The following PPM1L variants were observed in gnomAD, a reference collection of about 807,000 sequenced individuals.
The protein encoded by PPM1L is protein phosphatase 1L.
A neutral mutation model predicts 31.4 loss-of-function variants in PPM1L; 13 were observed. The observed-to-expected ratio is 0.41, with a 90% CI of 0.27 to 0.66. The LOEUF (loss-of-function observed/expected upper bound fraction) is 0.66. Among genes scored for constraint, PPM1L ranks in the 30% least tolerant of loss-of-function variants. The probability of loss-of-function intolerance (pLI) is 0.29; values close to 1 mark genes in which losing one functional copy is unlikely to be tolerated. For synonymous variants in PPM1L, 184 were observed against 175.4 expected (o/e 1.05, Z -0.39); for missense variants, 326 against 453.7 (o/e 0.72, Z 2.56).
intron 1 of PPM1L, among the ~76,000 whole-genome samples, chr3:160,850,001 G>A (rs557251726): frequency 3.2e-4 from 48 of 152,226 alleles, no homozygotes; most frequent in Non-Finnish European, 6.3e-4. Context: ...ATTCAACGCA[G>A]TTCTGACACT....
chr3:160,976,809 C>A (rs1198563930), intron 2 of PPM1L, among the ~76,000 whole-genome samples: 2 of 151,976 alleles, frequency 1.3e-5, no homozygotes, highest in African/African-American at 4.8e-5. Flanking sequence ...TTTTGTTGAT[C>A]CTTTCAAAAA....
intron 2 of PPM1L, among the ~76,000 whole-genome samples, chr3:161,040,927 G>A (rs1179028127): frequency 6.6e-6 from 1 of 152,142 alleles, no homozygotes; most frequent in African/African-American, 2.4e-5. Context: ...CTTTGTGGGG[G>A]AAAATTTGCA....
At chr3:161,013,517 A>C (rs1717966264) in intron 2 of PPM1L, among the ~76,000 whole-genome samples, 1 of 152,116 alleles carries the variant, frequency 6.6e-6, no homozygotes, top group Non-Finnish European at 1.5e-5. Flanking sequence ...TGGGGTGGAG[A>C]GTTCTGTAGA....
intron 1 of PPM1L, among the ~76,000 whole-genome samples, chr3:160,834,935 G>A (rs1713649754): frequency 6.6e-6 from 1 of 151,700 alleles, no homozygotes; most frequent in Non-Finnish European, 1.5e-5. Context: ...TTTTCCTCTG[G>A]GATAAATGCA....
intron 2 of PPM1L, among the ~76,000 whole-genome samples, chr3:160,967,867 A>T (rs901744198): frequency 6.6e-6 from 1 of 152,046 alleles, no homozygotes. Context: ...CTATAAACTG[A>T]TGGCATGAAC....
chr3:160,805,802 G>C (rs1156511802), intron 1 of PPM1L, among the ~76,000 whole-genome samples: 67 of 152,180 alleles, frequency 4.4e-4, no homozygotes, highest in Non-Finnish European at 1.5e-4. Context: ...AGTAGTTAAA[G>C]GTGTAGCCCA....
chr3:160,766,140 T>G (rs1349882473), intron 1 of PPM1L, among the ~76,000 whole-genome samples: 1 of 152,218 alleles, frequency 6.6e-6, no homozygotes, highest in Non-Finnish European at 1.5e-5. Context: ...AGCTTTGTTT[T>G]ATAGTTTTAG....
intron 2 of PPM1L, among the ~76,000 whole-genome samples, chr3:161,016,734 G>T (rs553510115): frequency 1.0e-3 from 157 of 152,294 alleles, no homozygotes; most frequent in Non-Finnish European, 1.8e-3. Flanking sequence ...TAGGACATCA[G>T]GTTGGGGAAA....
chr3:161,065,751 G>A (rs1212066385), intron 3 of PPM1L, among the ~76,000 whole-genome samples, 187 bp downstream of exon 3: 1 of 152,134 alleles, frequency 6.6e-6, no homozygotes, highest in African/African-American at 2.4e-5. Context: ...TTCCTTCATA[G>A]CCAAAGATTC....
intron 1 of PPM1L, among the ~76,000 whole-genome samples, chr3:160,759,680 GTT>G (rs1379011022): frequency 6.6e-6 from 1 of 152,158 alleles, no homozygotes; most frequent in African/African-American, 2.4e-5. Flanking sequence ...CGCTTAGAGT[GTT>G]ACGGTGACAC....
chr3:160,784,318 C>T (rs1448857021), intron 1 of PPM1L, among the ~76,000 whole-genome samples: 1 of 152,042 alleles, frequency 6.6e-6, no homozygotes, highest in East Asian at 1.9e-4. Flanking sequence ...GTATCATTTA[C>T]TAGAGTTGTG....
At chr3:160,957,883 G>C (rs6794409) in intron 1 of PPM1L, among the ~76,000 whole-genome samples, 1,859 of 152,052 alleles carry the variant, frequency 0.012, 40 homozygotes, top group African/African-American at 0.043. Flanking sequence ...GCCTCTCGTT[G>C]TGTTTTAATT....
intron 1 of PPM1L, chr3:160,842,439 T>G: frequency 1.6e-6 from 1 of 635,288 alleles, no homozygotes; most frequent in Non-Finnish European, 2.8e-6. Flanking sequence ...CTGTAGAAAA[T>G]GGATGAACAG....
At chr3:160,894,160 C>A (rs944272191) in intron 1 of PPM1L, among the ~76,000 whole-genome samples, 6 of 152,050 alleles carry the variant, frequency 3.9e-5, no homozygotes, top group African/African-American at 1.4e-4. Flanking sequence ...ATTCTAAGAC[C>A]TCTACAAAAA....
intron 2 of PPM1L, among the ~76,000 whole-genome samples, chr3:160,969,256 T>G (rs946672715): frequency 6.6e-6 from 1 of 152,186 alleles, no homozygotes; most frequent in African/African-American, 2.4e-5. Context: ...TTTGGAAAAA[T>G]AGCTTTTTAA....
At chr3:160,792,720 A>G (rs1712140068) in intron 1 of PPM1L, among the ~76,000 whole-genome samples, 1 of 152,200 alleles carries the variant, frequency 6.6e-6, no homozygotes, top group South Asian at 2.1e-4. Flanking sequence ...GTTTCTGACC[A>G]ACTAGCTACA....
chr3:160,861,666 CA>C (rs887166270), intron 1 of PPM1L, among the ~76,000 whole-genome samples: 20 of 150,846 alleles, frequency 1.3e-4, no homozygotes, highest in East Asian at 7.8e-4. Context: ...CTATAAATTA[CA>C]AAAAAAAATC....
intron 2 of PPM1L, among the ~76,000 whole-genome samples, chr3:161,040,427 G>C (rs1297902203): frequency 6.6e-6 from 1 of 151,958 alleles, no homozygotes; most frequent in African/African-American, 2.4e-5. Context: ...CTTAAGGGTG[G>C]GTATTTTCCA....
At chr3:160,831,823 T>C (rs1713534525) in intron 1 of PPM1L, among the ~76,000 whole-genome samples, 1 of 152,318 alleles carries the variant, frequency 6.6e-6, no homozygotes, top group East Asian at 1.9e-4. Flanking sequence ...GTTTTCTCAT[T>C]AGTAAAATGT....
Sources: allele counts gnomAD v4.1 joint callset (sites outside exome capture counted in the v4.1 genomes callset), GRCh38; gene constraint gnomAD v4.1.1; transcripts MANE v1.5; gene names NCBI Gene and HGNC (gene_info 2026-07-23, HGNC 2026-07-21).